Variants in KALRN observed in about 807,000 individuals in gnomAD.
KALRN encodes the protein kalirin RhoGEF kinase.
A neutral mutation model predicts 353.7 loss-of-function variants in KALRN; 70 were observed. The observed-to-expected ratio is 0.20, with a 90% CI of 0.16 to 0.24. KALRN has a LOEUF of 0.24. KALRN is among the 10% of genes least tolerant of loss of function. KALRN has a pLI of 1.00. For synonymous variants in KALRN, 1,391 were observed against 1,434.8 expected (o/e 0.97, Z 0.69); for missense variants, 2,791 against 3,756.7 (o/e 0.74, Z 6.72).
intron 17 of KALRN, 45 bp from the exon 18 acceptor site, chr3:124,438,843 C>T (rs965699794): frequency 6.4e-7 from 1 of 1,564,328 alleles, no homozygotes; most frequent in Non-Finnish European, 8.7e-7. Flanking sequence ...GAGAATAATT[C>T]CTGAATAATT....
intron 1 of KALRN, among the ~76,000 whole-genome samples, chr3:124,180,426 G>A (rs1044180945): frequency 2.6e-5 from 4 of 152,116 alleles, no homozygotes; most frequent in African/African-American, 7.2e-5. Flanking sequence ...TAGAATAAGC[G>A]ACTCCTCTCC....
intron 19 of KALRN, 32 bp downstream of exon 19, chr3:124,442,091 C>T (rs369402031): frequency 1.4e-6 from 2 of 1,393,220 alleles, no homozygotes; most frequent in Non-Finnish European, 2.0e-6. Context: ...CCACCAGTCA[C>T]TTCAGCGACA....
chr3:124,288,243 T>G (rs1221449609), intron 5 of KALRN, among the ~76,000 whole-genome samples: 1 of 152,220 alleles, frequency 6.6e-6, no homozygotes, highest in Non-Finnish European at 1.5e-5. Context: ...TGAACTACTA[T>G]GGTAAACACT....
intron 1 of KALRN, chr3:124,162,782 A>G (rs2070186786): frequency 6.6e-6 from 1 of 152,256 alleles, no homozygotes; most frequent in African/African-American, 2.4e-5. Flanking sequence ...AAGAGTAAAC[A>G]TGACTTCTAA....
intron 1 of KALRN, among the ~76,000 whole-genome samples, chr3:124,098,579 C>G (rs889069475): frequency 2.6e-5 from 4 of 152,184 alleles, no homozygotes; most frequent in African/African-American, 9.7e-5. Context: ...TGGCATTTCT[C>G]TATTATCCTC....
At chr3:124,130,393 T>C (rs1332527589) in intron 1 of KALRN, among the ~76,000 whole-genome samples, 1 of 152,204 alleles carries the variant, frequency 6.6e-6, no homozygotes, top group African/African-American at 2.4e-5. Context: ...TAGATTTTTT[T>C]TAAAAACTGC....
chr3:124,215,705 T>G (rs2077267413), intron 1 of KALRN, among the ~76,000 whole-genome samples: 2 of 152,340 alleles, frequency 1.3e-5, no homozygotes, highest in South Asian at 4.1e-4. Flanking sequence ...GTCAGACTTC[T>G]GTCCAAAGTC....
chr3:124,584,929 G>T (rs762475079), intron 34 of KALRN: 1 of 1,583,084 alleles, frequency 6.3e-7, no homozygotes, highest in Non-Finnish European at 8.6e-7. Flanking sequence ...CGGCGGCCTT[G>T]GTGCCTTCTG....
chr3:124,446,894 C>T lies in KALRN; in HGVS notation c.3552+9C>T, dbSNP rs1238344609. ...TCAGGGTGCCTGCCAAGGTAGGAAA[C>T]ATCCCAGAGCCTCCCCCAGATCCAC... On this transcript the variant is annotated intron_variant, in intron 21 of 59. Coordinates refer to ENST00000682506, the MANE Select transcript of KALRN (RefSeq NM_001388419.1). 1.2e-6 allele frequency: 2 copies of T among 1,613,886 alleles called. No homozygotes were observed. Among genetic ancestry groups the T allele is most frequent in the South Asian group, 1.1e-5 (1 of 91,044 alleles).
chr3:124,081,854 T>A (rs1418209411), intron 1 of KALRN, among the ~76,000 whole-genome samples: 1 of 152,168 alleles, frequency 6.6e-6, no homozygotes, highest in Non-Finnish European at 1.5e-5. Context: ...CATGTATGTG[T>A]GCATTGACAT....
chr3:124,616,661 C>A (rs979103666), intron 34 of KALRN, among the ~76,000 whole-genome samples: 10 of 152,236 alleles, frequency 6.6e-5, no homozygotes, highest in African/African-American at 2.2e-4. Context: ...GACTGGGCAG[C>A]ACTTAGAACT....
chr3:124,592,856 G>A (rs2149375573), intron 34 of KALRN, among the ~76,000 whole-genome samples: 2 of 152,388 alleles, frequency 1.3e-5, no homozygotes, highest in East Asian at 3.9e-4. Flanking sequence ...AGGCTGCCAG[G>A]CAGCTTTTGC....
intron 1 of KALRN, among the ~76,000 whole-genome samples, chr3:124,180,732 G>A (rs1286684286): frequency 6.6e-6 from 1 of 151,978 alleles, no homozygotes; most frequent in Non-Finnish European, 1.5e-5. Context: ...CCATGCCCCT[G>A]CCCTGGCTCT....
intron 6 of KALRN, among the ~76,000 whole-genome samples, chr3:124,325,138 T>G (rs940816641): frequency 9.9e-5 from 15 of 152,186 alleles, no homozygotes; most frequent in African/African-American, 3.6e-4. Flanking sequence ...ACAGCATACA[T>G]GTTCATGAAT....
chr3:124,562,773 C>A, intron 33 of KALRN, 70 bp from the exon 34 acceptor site: 2 of 1,242,432 alleles, frequency 1.6e-6, no homozygotes, highest in Non-Finnish European at 2.1e-6. Context: ...TCTCACCAAC[C>A]CTCTCCCATA....
chr3:124,504,367 T>G (rs914100346), intron 33 of KALRN, among the ~76,000 whole-genome samples: 5 of 152,060 alleles, frequency 3.3e-5, no homozygotes, highest in Admixed American at 2.0e-4. Context: ...CAAAACCAGG[T>G]CAATCTCCTG....
Position 124,234,871 on chromosome 3 carries a change from C to T in KALRN, c.191C>T (p.Ala64Val). ...GGCGGACCCATCCTGACCTTCCCTG[C>T]TCGCAGCAATCATGACAGAATAAGA... ...KRGGPILTFP[A>V]RSNHDRIRQE... Residue 64 changes from alanine to valine, a missense_variant, in exon 3 of 60, where the codon GCT becomes GTT. By Grantham distance (64) the Ala-to-Val change is moderately conservative (BLOSUM62 0). Transcript: ENST00000682506. The T allele has an allele frequency of 6.2e-7, 1 of 1,609,216 alleles. No individual in the cohort carries two copies. The highest frequency in any genetic ancestry group is 2.2e-5 in the East Asian group (1 of 44,664).
At chr3:124,139,293 C>T (rs946167401) in intron 1 of KALRN, among the ~76,000 whole-genome samples, 5 of 152,096 alleles carry the variant, frequency 3.3e-5, no homozygotes, top group African/African-American at 1.2e-4. Flanking sequence ...GGTGGGTGCT[C>T]ATGTGTCAAA....
chr3:124,394,381 G>A (rs2089895542), intron 11 of KALRN, among the ~76,000 whole-genome samples: 1 of 152,190 alleles, frequency 6.6e-6, no homozygotes, highest in African/African-American at 2.4e-5. Context: ...CTGGAGACCT[G>A]TATTCAGTAT....
Sources: gnomAD v4.1 joint callset for allele counts (sites outside exome capture counted in the v4.1 genomes callset) on GRCh38, gnomAD v4.1.1 for gene constraint, MANE v1.5 for transcripts, NCBI Gene and HGNC (gene_info 2026-07-23, HGNC 2026-07-21) for gene names.